The following BRCA1 variants were observed in gnomAD, a reference collection of about 807,000 sequenced individuals.
BRCA1 encodes breast cancer type 1 susceptibility protein.
A neutral mutation model predicts 173.7 loss-of-function variants in BRCA1; 140 were observed. The observed-to-expected ratio is 0.81, with a 90% CI of 0.70 to 0.93. The LOEUF is 0.93. BRCA1 is among the 40% of genes least tolerant of loss of function. The probability of loss-of-function intolerance (pLI) is 0.00; values close to 1 mark genes in which losing one functional copy is unlikely to be tolerated. For synonymous variants in BRCA1, 662 were observed against 756.0 expected (o/e 0.88, Z 2.04); for missense variants, 1,983 against 2,172.5 (o/e 0.91, Z 1.73).
At chr17:43,098,243 C>G (rs543667709) in intron 7 of BRCA1, among the ~76,000 whole-genome samples, 1 of 152,118 alleles carries the variant, frequency 6.6e-6, no homozygotes, top group Non-Finnish European at 1.5e-5. Context: ...GTTGCCCAGG[C>G]TGGTCTCAAA....
In BRCA1 at chr17:43,110,043, C is replaced by T. The variant is rs1237002036; in HGVS notation, c.135-3510G>A. Among the ~76,000 whole-genome samples the T allele has an allele frequency of 2.6e-5, 4 of 152,012 alleles. No homozygotes were observed. In the East Asian group the frequency reaches 5.8e-4, roughly 22 times the overall value. On this transcript the variant is annotated intron_variant, in intron 3 of 22. Coordinates refer to ENST00000357654, the MANE Select transcript of BRCA1 (RefSeq NM_007294.4). ...CTGAGTAGCTGGGACTACAGGTGCC[C>T]GCTACCACGCCTGGCTAACTTTTTG...
intron 10 of BRCA1, 149 bp from the exon 11 acceptor site, chr17:43,091,181 C>A: frequency 1.1e-6 from 1 of 944,190 alleles, no homozygotes. Context: ...CCTGGATTTG[C>A]TTTTATAAAA....
In BRCA1 at chr17:43,094,706, G is replaced by A. The variant is rs397509328; in HGVS notation, c.825C>T (p.Gly275=). The A allele has an allele frequency of 4.5e-5, 73 of 1,612,298 alleles. No individual in the cohort carries two copies. Among genetic ancestry groups the A allele is most frequent in the East Asian group, 1.3e-4 (6 of 44,860 alleles). The change falls in exon 10 of 23, where the codon GGC becomes GGT. Residue 275 remains glycine (G), a synonymous_variant. Transcript: ENST00000357654. The part of the protein sequence containing the change: ...SVSNLHVEPC[G]TNTHASSLQH... ...GTAATGAGCTGGCATGAGTATTTGT[G>A]CCACATGGCTCCACATGCAAGTTTG...
At chr17:43,129,070 T>C (rs1438778793), upstream of BRCA1, among the ~76,000 whole-genome samples, 3 of 151,936 alleles carry the variant, frequency 2.0e-5, no homozygotes, top group Non-Finnish European at 4.4e-5. Context: ...GAAAAAAAAA[T>C]CGATGTGGAG....
Position 43,108,335 on chromosome 17 carries a change from C to CA in BRCA1, c.135-1803dup, listed in dbSNP as rs34608699. Among the ~76,000 whole-genome samples the CA allele has an allele frequency of 0.33, 39,553 of 120,994 alleles. 5,660 individuals carry two copies. The highest frequency in any genetic ancestry group is 0.52 in the South Asian group (2,100 of 4,034). 79.4% of individuals were successfully genotyped at this position (120,994 alleles called of 152,430 possible). On this transcript the variant is annotated intron_variant, in intron 3 of 22. Transcript: ENST00000357654. ...CCTGGGCAACAGAGTGAGATTGTGC[C>CA]AAAAAAAAAAAAAAGGCATTGGGAA...
intron 1 of BRCA1, among the ~76,000 whole-genome samples, chr17:43,139,400 G>C (rs1473610749): frequency 6.6e-6 from 1 of 150,634 alleles, no homozygotes; most frequent in Non-Finnish European, 1.5e-5. Flanking sequence ...GTCTCGCTCT[G>C]TTGCCCAGGC....
At position 43,091,794 on chromosome 17, in the gene BRCA1, G is replaced by A. The variant is rs878854949; in HGVS notation, c.3737C>T (p.Thr1246Ile). The A allele has an allele frequency of 3.1e-6, 5 of 1,614,146 alleles. No homozygotes were observed. The South Asian group carries it at 5.5e-5, about 18-fold the overall frequency. ...NIPSQSTRHS[T>I]VATECLSKNT... Reference sequence around the variant, plus strand: ...CTTAGACAGACACTCGGTAGCAACGGTGCTATGCCTAGTAGACTGAGAAGG... The same window carrying A: ...CTTAGACAGACACTCGGTAGCAACGATGCTATGCCTAGTAGACTGAGAAGG... Residue 1246 changes from threonine to isoleucine, a missense_variant, in exon 10 of 23, where the codon ACC becomes ATC. Physicochemically the swap from Thr to Ile is moderately conservative, Grantham distance 89. Coordinates refer to ENST00000357654, the MANE Select transcript of BRCA1 (RefSeq NM_007294.4).
chr17:43,070,868 ACT>A, intron 15 of BRCA1, 58 bp downstream of exon 15: 2 of 1,579,082 alleles, frequency 1.3e-6, no homozygotes, highest in African/African-American at 1.3e-5. Context: ...CCTACATAAA[ACT>A]CTTTCCAGAA....
chr17:43,050,855 C>T (rs2051180080), intron 20 of BRCA1, among the ~76,000 whole-genome samples: 1 of 152,208 alleles, frequency 6.6e-6, no homozygotes, highest in African/African-American at 2.4e-5. Flanking sequence ...CACCTTCATG[C>T]TCTTGAGAAG....
chr17:43,160,335 T>G (rs1209649473), intron 1 of BRCA1: 1 of 152,118 alleles, frequency 6.6e-6, no homozygotes, highest in Non-Finnish European at 1.5e-5. Flanking sequence ...GCAAGACTCC[T>G]GTCTCAAGAG....
chr17:43,121,247 C>T (rs1344310732), intron 2 of BRCA1, among the ~76,000 whole-genome samples: 3 of 151,480 alleles, frequency 2.0e-5, no homozygotes, highest in African/African-American at 7.3e-5. Context: ...TAGTGGTGGG[C>T]GCCTGTAGTC....
chr17:43,166,515 G>A (rs1227129345), intron 1 of BRCA1: 1 of 152,108 alleles, frequency 6.6e-6, no homozygotes, highest in Non-Finnish European at 1.5e-5. Context: ...TTTTCCTGGT[G>A]TCATAGCACT....
chr17:43,123,934 C>G, intron 2 of BRCA1, 83 bp downstream of exon 2: 1 of 1,100,092 alleles, frequency 9.1e-7, no homozygotes, highest in East Asian at 2.4e-5. Flanking sequence ...CTTTTCTTCC[C>G]TAGTATGTAA....
In BRCA1 at chr17:43,074,549, C is replaced by G. The variant is rs746045640; in HGVS notation, c.4485-28G>C. On this transcript the variant is annotated intron_variant, in intron 13 of 22. Coordinates refer to ENST00000357654, the MANE Select transcript of BRCA1 (RefSeq NM_007294.4). ...AGAAAGATAAATGGAAGGAGAAAACCATCGCCACCAATTGTGAAAGGACAA... is the reference window on the plus strand; with the variant it reads ...AGAAAGATAAATGGAAGGAGAAAACGATCGCCACCAATTGTGAAAGGACAA... The G allele has an allele frequency of 1.8e-5, 28 of 1,585,298 alleles. No individual in the cohort carries two copies. In the South Asian group the frequency reaches 3.0e-4, roughly 17 times the overall value.
At chr17:43,094,976 C>T (rs1038273766) in intron 9 of BRCA1, 116 bp from the exon 10 acceptor site, 1 of 863,216 alleles carries the variant, frequency 1.2e-6, no homozygotes, top group African/African-American at 1.7e-5. Context: ...GAGAAACTAA[C>T]CTCATAAACT....
chr17:43,049,304 AG>A, intron 20 of BRCA1, 110 bp from the exon 21 acceptor site: 1 of 948,410 alleles, frequency 1.1e-6, no homozygotes. Flanking sequence ...TCTCAATGGG[AG>A]AGTCTGTCTC....
rs1555591949 is a variant in BRCA1, at chr17:43,094,214, A to G, written c.1317T>C (p.Ala439=). 1.2e-6 allele frequency: 2 copies of G among 1,614,110 alleles called. No homozygotes were observed. Among genetic ancestry groups the G allele is most frequent in the Non-Finnish European group, 1.7e-6 (2 of 1,180,014 alleles). The change falls in exon 10 of 23, where the codon GCT becomes GCC. Residue 439 remains alanine, a synonymous_variant. Coordinates refer to ENST00000357654, the MANE Select transcript of BRCA1 (RefSeq NM_007294.4). ...IDLLASDPHE[A]LICKSERVHS... is the part of the protein sequence containing the mutation. ...GAACTCTTTCACTTTTACATATTAA[A>G]GCCTCATGAGGATCACTGGCCAGTA...
intron 1 of BRCA1, chr17:43,133,017 T>C (rs1332910846): frequency 6.6e-6 from 1 of 152,132 alleles, no homozygotes; most frequent in Non-Finnish European, 1.5e-5. Context: ...CGTGATCCGC[T>C]GTCCTCGGTC....
At chr17:43,135,095 TG>T (rs547207378) in intron 1 of BRCA1, among the ~76,000 whole-genome samples, 55 of 152,276 alleles carry the variant, frequency 3.6e-4, no homozygotes, top group Non-Finnish European at 7.6e-4. Context: ...TGTCTTGCTC[TG>T]GCCATGGAAT....
Sources: gnomAD v4.1 joint callset for allele counts (sites outside exome capture counted in the v4.1 genomes callset) on GRCh38, gnomAD v4.1.1 for gene constraint, MANE v1.5 for transcripts, NCBI Gene and HGNC (gene_info 2026-07-23, HGNC 2026-07-21) for gene names.